Variants in RSRC2 observed in about 807,000 individuals in gnomAD.
RSRC2 encodes the protein arginine/serine-rich coiled-coil protein 2.
Under a neutral mutation model 61.3 loss-of-function variants are expected in RSRC2, and 5 were observed. The observed-to-expected ratio is 0.08, with a 90% CI of 0.04 to 0.17. The LOEUF (loss-of-function observed/expected upper bound fraction) is 0.17, where lower values mean the gene tolerates loss of function less well. Ranked by LOEUF, RSRC2 falls within the 10% of genes least tolerant of loss-of-function variation. The probability of loss-of-function intolerance (pLI) is 1.00; values close to 1 mark genes in which losing one functional copy is unlikely to be tolerated. For synonymous variants in RSRC2, 202 were observed against 166.5 expected, an observed-to-expected ratio of 1.21 and a Z score of -1.64; for missense variants, 381 against 518.8, an observed-to-expected ratio of 0.73 and a Z score of 2.58.
In RSRC2 at chr12:122,515,622, G is replaced by C. The variant is rs77608147; in HGVS notation, c.603-395C>G. On this transcript the variant is annotated intron_variant, in intron 5 of 9. Transcript: ENST00000331738. ...TTGTAGGTCAATATGTATACCACAG[G>C]AATCATTCCTACATATTTTCATCTA... Among the ~76,000 whole-genome samples, 311 of 152,250 alleles carry C rather than the reference G, an allele frequency of 2.0e-3. 13 individuals carry two copies. The East Asian group carries it at 0.057, about 28-fold the overall frequency.
intron 5 of RSRC2, among the ~76,000 whole-genome samples, chr12:122,516,640 G>A (rs139798851): frequency 1.3e-5 from 2 of 152,180 alleles, no homozygotes; most frequent in African/African-American, 4.8e-5. Context: ...TGCAAAAGGA[G>A]ATTTTAGTTA....
intron 3 of RSRC2, chr12:122,519,280 T>C: frequency 4.9e-6 from 2 of 410,788 alleles, no homozygotes; most frequent in Non-Finnish European, 8.9e-6. Flanking sequence ...TTTTTAAAGT[T>C]GAAATATTGA....
At chr12:122,520,345 G>A (rs1173129199) in intron 3 of RSRC2, 2 of 391,606 alleles carry the variant, frequency 5.1e-6, no homozygotes, top group South Asian at 2.1e-5. Flanking sequence ...GAGGCAGACT[G>A]GAAAAGTCTT....
chr12:122,518,567 T>C (rs951254823), intron 4 of RSRC2, among the ~76,000 whole-genome samples: 17 of 145,798 alleles, frequency 1.2e-4, no homozygotes, highest in African/African-American at 4.4e-4. Context: ...CACTCCAGCC[T>C]GGGCAACACA....
chr12:122,521,505 G>C, intron 2 of RSRC2, 77 bp from the exon 3 acceptor site: 2 of 1,268,966 alleles, frequency 1.6e-6, no homozygotes, highest in Non-Finnish European at 2.3e-6. Flanking sequence ...CTTAATGCTG[G>C]AGAAAAATGA....
chr12:122,525,095 C>T (rs996612117), intron 1 of RSRC2, among the ~76,000 whole-genome samples: 8 of 152,082 alleles, frequency 5.3e-5, no homozygotes, highest in African/African-American at 1.9e-4. Flanking sequence ...AGAACCCGGC[C>T]GGGCGCGGTG....
chr12:122,522,127 CT>C lies in RSRC2; in HGVS notation c.163+15del, dbSNP rs755663300. The C allele has an allele frequency of 6.2e-7, 1 of 1,604,912 alleles. No individual in the cohort carries two copies. The highest frequency in any genetic ancestry group is 1.3e-5 in the African/African-American group (1 of 74,296). ...TACAAATGCTGAGAGTTGTAACCAC[CT>C]TTAAGAATTCATACCTGACTTTCGT... On this transcript the variant is annotated intron_variant, in intron 2 of 9. Transcript: ENST00000331738.
chr12:122,515,600 T>C (rs756905838), intron 5 of RSRC2, among the ~76,000 whole-genome samples: 11 of 152,226 alleles, frequency 7.2e-5, no homozygotes, highest in Non-Finnish European at 1.5e-4. Context: ...TGTGCTCTTG[T>C]AGGTCAATAT....
intron 5 of RSRC2, among the ~76,000 whole-genome samples, chr12:122,516,247 A>G (rs1241151281): frequency 3.3e-5 from 5 of 152,196 alleles, no homozygotes; most frequent in African/African-American, 1.2e-4. Context: ...TACTACTGTC[A>G]TATGTAAACA....
chr12:122,505,235 T>C lies in RSRC2; in HGVS notation c.*292A>G, dbSNP rs111226568. The C allele has an allele frequency of 4.1e-4, 112 of 270,928 alleles. No individual in the cohort carries two copies. The highest frequency in any genetic ancestry group is 2.3e-3 in the African/African-American group (105 of 45,434). 16.8% of individuals were successfully genotyped at this position (270,928 alleles called of 1,614,324 possible). On this transcript the variant is annotated 3_prime_UTR_variant, in exon 10 of 10. Coordinates refer to ENST00000331738, the MANE Select transcript of RSRC2 (RefSeq NM_023012.6). ...AAGACAGCGGACACGAAAAAATCCA[T>C]GTATGAGATTTTATCCCCACCTGCA...
At chr12:122,516,663 AAATT>A (rs1175830029) in intron 5 of RSRC2, among the ~76,000 whole-genome samples, 3 of 152,202 alleles carry the variant, frequency 2.0e-5, no homozygotes, top group African/African-American at 4.8e-5. Flanking sequence ...TGTGATAATA[AAATT>A]AATACAACAA....
rs1958259755 is a variant in RSRC2, at chr12:122,508,305, G to C, written c.948C>G (p.Ser316Arg). The C allele has an allele frequency of 1.9e-6, 3 of 1,613,974 alleles. No individual in the cohort carries two copies. The highest frequency in any genetic ancestry group is 2.5e-6 in the Non-Finnish European group (3 of 1,180,028). ...GATTAACAGCGGCTGGGTTATAGTAGCTAGGAACAGCTATTCCTGTCTCTG... is the reference window on the plus strand; with the variant it reads ...GATTAACAGCGGCTGGGTTATAGTACCTAGGAACAGCTATTCCTGTCTCTG... ...ALAETGIAVP[S>R]YYNPAAVNPM... Residue 316 changes from serine to arginine, a missense_variant, in exon 8 of 10, where the codon AGC becomes AGG. Physicochemically the swap from Ser to Arg is moderately radical, Grantham distance 110 (BLOSUM62 -1). This residue lies in a region of RSRC2 where 78 missense variants were observed against 183.0 expected (regional missense o/e 0.43). Coordinates refer to ENST00000331738, the MANE Select transcript of RSRC2 (RefSeq NM_023012.6).
intron 3 of RSRC2, chr12:122,520,800 T>C: frequency 3.1e-6 from 1 of 325,752 alleles, no homozygotes; most frequent in South Asian, 2.5e-5. Flanking sequence ...TCATTCTTTG[T>C]CTTCTCAGGT....
chr12:122,525,274 T>G (rs572344883), intron 1 of RSRC2, among the ~76,000 whole-genome samples: 26 of 151,418 alleles, frequency 1.7e-4, no homozygotes, highest in East Asian at 5.9e-4. Context: ...TACTCGGGAG[T>G]CTGAGGCAGG....
chr12:122,510,085 G>C (rs994637698), intron 7 of RSRC2, among the ~76,000 whole-genome samples: 1 of 151,862 alleles, frequency 6.6e-6, no homozygotes, highest in Non-Finnish European at 1.5e-5. Context: ...GCCTCCCAAA[G>C]TGCTGGGATT....
intron 8 of RSRC2, chr12:122,507,751 T>C (rs1035065802): frequency 1.3e-5 from 2 of 157,650 alleles, no homozygotes; most frequent in African/African-American, 2.5e-5. Context: ...GGAGTTTCGC[T>C]GGAAACTCAC....
At chr12:122,507,907 TCTC>T (rs1318253238) in intron 8 of RSRC2, 11 of 396,594 alleles carry the variant, frequency 2.8e-5, no homozygotes, top group South Asian at 2.1e-4. Context: ...CTCAAGCGAT[TCTC>T]CTGCCTCAGC....
At chr12:122,524,456 T>C (rs1212357492) in intron 1 of RSRC2, among the ~76,000 whole-genome samples, 2 of 152,188 alleles carry the variant, frequency 1.3e-5, no homozygotes, top group Non-Finnish European at 2.9e-5. Flanking sequence ...AGAACAAGAC[T>C]AGAATCGAAA....
chr12:122,513,859 G>A, intron 6 of RSRC2: 3 of 970,638 alleles, frequency 3.1e-6, no homozygotes, highest in Non-Finnish European at 3.7e-6. Flanking sequence ...GGCAACATAG[G>A]GAGACCCCGT....
Sources: gnomAD v4.1 joint callset for allele counts (sites outside exome capture counted in the v4.1 genomes callset) on GRCh38, gnomAD v4.1.1 for gene constraint, gnomAD v4.1.1 regional missense constraint, MANE v1.5 for transcripts, NCBI Gene and HGNC (gene_info 2026-07-23, HGNC 2026-07-21) for gene names.